ITGB1BP1: variants seen among roughly 807,000 people sequenced by gnomAD.
The protein encoded by ITGB1BP1 is integrin subunit beta 1 binding protein 1.
ITGB1BP1 carries 20 observed loss-of-function variants against 28.0 expected under a neutral mutation model. The observed-to-expected ratio is 0.71, with a 90% CI of 0.50 to 1.04. The LOEUF is 1.04. ITGB1BP1 is among the 50% of genes least tolerant of loss of function. ITGB1BP1 has a pLI of 0.00. For missense variants in ITGB1BP1, 228 were observed against 242.5 expected (o/e 0.94, Z 0.40); for synonymous variants, 103 against 89.5 (o/e 1.15, Z -0.85).
chr2:9,423,393 C>T lies in ITGB1BP1; in HGVS notation c.-56G>A. The T allele has an allele frequency of 1.8e-6, 2 of 1,142,276 alleles. No homozygotes were observed. The highest frequency in any genetic ancestry group is 3.4e-5 in the South Asian group (2 of 59,114). 70.8% of individuals were successfully genotyped at this position (1,142,276 alleles called of 1,614,324 possible). On this transcript the variant is annotated 5_prime_UTR_variant, in exon 1 of 7. Transcript: ENST00000355346. ...CTCACCTCGCAGCCGCGGGCCCATC[C>T]CCGGGTTGCGGACTTCGGGGTCCGC...
chr2:9,420,750 T>A (rs990720123), intron 1 of ITGB1BP1, among the ~76,000 whole-genome samples: 1 of 152,242 alleles, frequency 6.6e-6, no homozygotes, highest in Non-Finnish European at 1.5e-5. Context: ...AGAGGAATAC[T>A]CTGAAGGCTT....
rs1679033335 is a variant in ITGB1BP1 at position 9,415,641 on chromosome 2, A to G, written c.73-1385T>C. On this transcript the variant is annotated intron_variant, in intron 2 of 6. Transcript: ENST00000355346. This position sits in a 1 kb window ranked among gnomAD's most constrained non-coding sequence, Gnocchi z 4.1. ...GATGAGATTTCCCTGTAGGGTCCCC[A>G]CGCTTAAGGCTGAGGAAGTGGCAGT... 6.6e-6 allele frequency among the ~76,000 whole-genome samples: 1 copy of G among 152,192 alleles called. No individual in the cohort carries two copies. The highest frequency in any genetic ancestry group is 2.1e-4 in the South Asian group (1 of 4,830).
chr2:9,414,011 C>G (rs1678800682), intron 3 of ITGB1BP1, among the ~76,000 whole-genome samples, 167 bp downstream of exon 3: 1 of 152,198 alleles, frequency 6.6e-6, no homozygotes, highest in African/African-American at 2.4e-5. Context: ...ACCACACCCT[C>G]AGCCCACGTC....
rs1483032325 is a variant in ITGB1BP1 at position 9,415,096 on chromosome 2, T to C, written c.73-840A>G. On this transcript the variant is annotated intron_variant, in intron 2 of 6. Transcript: ENST00000355346. This position sits in a 1 kb window ranked among gnomAD's most constrained non-coding sequence, Gnocchi z 4.1. The stretch of plus-strand genomic sequence containing the variant: ...CCGTCTCTACTTAAAAAAAAAAATA[T>C]GGCTGGGTGTGGTGGCTCACGCCTG... Among the ~76,000 whole-genome samples the C allele has an allele frequency of 6.6e-6, 1 of 151,164 alleles. No individual in the cohort carries two copies. Among genetic ancestry groups the C allele is most frequent in the Non-Finnish European group, 1.5e-5 (1 of 67,760 alleles).
At chr2:9,410,622 T>C (rs896693379) in intron 4 of ITGB1BP1, among the ~76,000 whole-genome samples, 4 of 152,328 alleles carry the variant, frequency 2.6e-5, no homozygotes, top group African/African-American at 9.6e-5. Context: ...GTATTTTTAG[T>C]AGAGACAGGG....
rs371062272 is a variant in ITGB1BP1 at position 9,406,919 on chromosome 2, A to C, written c.532-14T>G. 1.2e-4 allele frequency: 183 copies of C among 1,579,102 alleles called. No individual in the cohort carries two copies. The highest frequency in any genetic ancestry group is 1.4e-4 in the Non-Finnish European group (162 of 1,148,170). On this transcript the variant is annotated splice_polypyrimidine_tract_variant and intron_variant, in intron 6 of 6. Transcript: ENST00000355346. The stretch of plus-strand genomic sequence containing the variant: ...TTGTGCTTGTTCCTACATTACATGA[A>C]AGATAGAGTAAGAGCAACATTCATC...
intron 6 of ITGB1BP1, 137 bp from the exon 7 acceptor site, chr2:9,407,042 G>C (rs10929579): frequency 1.2e-5 from 8 of 689,308 alleles, no homozygotes; most frequent in Non-Finnish European, 2.1e-5. Context: ...GCCTGGGTCA[G>C]TGGAACCCAT....
Position 9,406,083 on chromosome 2 carries a change from G to A in ITGB1BP1, c.*751C>T, listed in dbSNP as rs1248936564. 1.1e-5 allele frequency: 1 copy of A among 92,138 alleles called. No homozygotes were observed. The highest frequency in any genetic ancestry group is 2.4e-5 in the Non-Finnish European group (1 of 42,358). 5.7% of individuals were successfully genotyped at this position (92,138 alleles called of 1,614,324 possible). A position where few individuals can be genotyped will look rare whatever the true frequency, so the allele number is the denominator to read the frequency against. On this transcript the variant is annotated 3_prime_UTR_variant, in exon 7 of 7. Coordinates refer to ENST00000355346, the MANE Select transcript of ITGB1BP1 (RefSeq NM_004763.5). ...CTCGTCTTCCTCAGGCCTTCAGTGTGTGTTTGTCACTGAGTGGACCTCTGT... is the reference window on the plus strand; with the variant it reads ...CTCGTCTTCCTCAGGCCTTCAGTGTATGTTTGTCACTGAGTGGACCTCTGT...
At chr2:9,407,074 G>A in intron 6 of ITGB1BP1, 169 bp from the exon 7 acceptor site, 1 of 627,646 alleles carries the variant, frequency 1.6e-6, no homozygotes, top group Non-Finnish European at 2.9e-6. Context: ...CCCTGCACGT[G>A]GGCCCTTTCT....
At position 9,414,345 on chromosome 2, in the gene ITGB1BP1, A is replaced by C. The variant is rs547565574; in HGVS notation, c.73-89T>G. The C allele has an allele frequency of 8.7e-5, 77 of 888,386 alleles. No homozygotes were observed. In the South Asian group the frequency reaches 1.1e-3, roughly 12 times the overall value. 55.0% of individuals were successfully genotyped at this position (888,386 alleles called of 1,614,324 possible). ...CTAACCCATTCACATCATTTATTAG[A>C]GTTGAGCTGACACATACAAAACCAT... On this transcript the variant is annotated intron_variant, in intron 2 of 6. Coordinates refer to ENST00000355346, the MANE Select transcript of ITGB1BP1 (RefSeq NM_004763.5).
intron 1 of ITGB1BP1, chr2:9,422,851 C>T: frequency 1.0e-6 from 1 of 986,062 alleles, no homozygotes; most frequent in South Asian, 4.7e-5. Context: ...TGCCAAAGCG[C>T]CCGAAGAGTC....
rs138047467 is a variant in ITGB1BP1, at chr2:9,415,116, C to T, written c.73-860G>A. ...AAATATGGCTGGGTGTGGTGGCTCACGCCTGTAATCCCAGCACTTTGGGAG... is the reference window on the plus strand; with the variant it reads ...AAATATGGCTGGGTGTGGTGGCTCATGCCTGTAATCCCAGCACTTTGGGAG... On this transcript the variant is annotated intron_variant, in intron 2 of 6. Transcript: ENST00000355346. This position sits in a 1 kb window ranked among gnomAD's most constrained non-coding sequence, Gnocchi z 4.1. Among the ~76,000 whole-genome samples, 87 of 152,068 alleles carry T rather than the reference C, an allele frequency of 5.7e-4. No individual in the cohort carries two copies. Among genetic ancestry groups the T allele is most frequent in the African/African-American group, 2.0e-3 (84 of 41,492 alleles).
chr2:9,420,662 C>T (rs1016792389), intron 1 of ITGB1BP1, among the ~76,000 whole-genome samples: 1 of 152,086 alleles, frequency 6.6e-6, no homozygotes, highest in Non-Finnish European at 1.5e-5. Flanking sequence ...CAAGGCTGTC[C>T]GGGAGCAGGA....
chr2:9,418,346 A>G (rs539479138), intron 2 of ITGB1BP1, among the ~76,000 whole-genome samples: 1 of 152,338 alleles, frequency 6.6e-6, no homozygotes, highest in South Asian at 2.1e-4. Context: ...AATTTCTATC[A>G]TTTAAAAATT....
intron 1 of ITGB1BP1, 123 bp from the exon 2 acceptor site, chr2:9,418,855 G>A: frequency 1.5e-6 from 1 of 683,268 alleles, no homozygotes; most frequent in South Asian, 1.8e-5. Flanking sequence ...TGGCTCTGCA[G>A]TCTTGACCTC....
chr2:9,423,427 G>A lies in ITGB1BP1; in HGVS notation c.-90C>T. The A allele has an allele frequency of 2.6e-6, 3 of 1,142,978 alleles. No individual in the cohort carries two copies. Among genetic ancestry groups the A allele is most frequent in the Non-Finnish European group, 3.3e-6 (3 of 922,492 alleles). 70.8% of individuals were successfully genotyped at this position (1,142,978 alleles called of 1,614,324 possible). ...CGGACTTCGGGGTCCGCGTGGGAGTGCCGCGGCCTTTGGCGCCCAGGCAGC... is the reference window on the plus strand; with the variant it reads ...CGGACTTCGGGGTCCGCGTGGGAGTACCGCGGCCTTTGGCGCCCAGGCAGC... On this transcript the variant is annotated 5_prime_UTR_variant, in exon 1 of 7. Coordinates refer to ENST00000355346, the MANE Select transcript of ITGB1BP1 (RefSeq NM_004763.5).
intron 2 of ITGB1BP1, among the ~76,000 whole-genome samples, chr2:9,417,685 C>T (rs1679316586): frequency 6.6e-6 from 1 of 152,164 alleles, no homozygotes; most frequent in Admixed American, 6.5e-5. Context: ...TCCCAAAGTG[C>T]TGGGATTACA....
At chr2:9,410,590 C>T (rs991963139) in intron 4 of ITGB1BP1, among the ~76,000 whole-genome samples, 1 of 152,144 alleles carries the variant, frequency 6.6e-6, no homozygotes, top group Admixed American at 6.6e-5. Context: ...TAGGCATGCA[C>T]CACCACACCC....
At position 9,414,210 on chromosome 2, in the gene ITGB1BP1, G is replaced by C; in HGVS notation, c.119C>G (p.Ala40Gly). ...LGGLSRSSTVASLDTDSTKSS... is the reference protein window; with the variant it reads ...LGGLSRSSTVGSLDTDSTKSS... ...TTTGGTGGAATCTGTGTCGAGGCTG[G>C]CCACAGTGCTGGATCGTGAAAGACC... The change falls in exon 3 of 7, where the codon GCC becomes GGC. Residue 40 changes from alanine to glycine, a missense_variant. By Grantham distance (60) the Ala-to-Gly change is moderately conservative. Around this residue, in one of 2 missense-constraint regions of ITGB1BP1, gnomAD observed 36 missense variants for 61.0 expected, o/e 0.59. Transcript: ENST00000355346. The C allele has an allele frequency of 6.2e-7, 1 of 1,614,064 alleles. No homozygotes were observed. The highest frequency in any genetic ancestry group is 8.5e-7 in the Non-Finnish European group (1 of 1,179,954).
Sources: allele counts gnomAD v4.1 joint callset (sites outside exome capture counted in the v4.1 genomes callset), GRCh38; gene constraint gnomAD v4.1.1; regional missense constraint gnomAD v4.1.1; non-coding constraint Gnocchi (gnomAD v3.1); transcripts MANE v1.5; gene names NCBI Gene and HGNC (gene_info 2026-07-23, HGNC 2026-07-21).